Variants in C5AR2 observed in about 807,000 individuals in gnomAD.
The protein encoded by C5AR2 is complement C5a receptor 2.
For missense variants in C5AR2, 458 were observed against 467.5 expected (o/e 0.98, Z 0.19); for synonymous variants, 224 against 216.5 (o/e 1.03, Z -0.30).
chr19:47,340,133 T>A (rs754085427), intron 1 of C5AR2, among the ~76,000 whole-genome samples: 27 of 151,744 alleles, frequency 1.8e-4, no homozygotes, highest in Admixed American at 4.0e-4. Flanking sequence ...TTTTAAAAAA[T>A]TTTCGTAGAG....
chr19:47,336,934 G>A (rs771509680), intron 1 of C5AR2, among the ~76,000 whole-genome samples: 1 of 151,738 alleles, frequency 6.6e-6, no homozygotes, highest in Non-Finnish European at 1.5e-5. Context: ...GGAGGGGAGT[G>A]CCCCAACTTC....
intron 1 of C5AR2, among the ~76,000 whole-genome samples, chr19:47,340,382 T>C (rs1968992725): frequency 6.6e-6 from 1 of 151,204 alleles, no homozygotes; most frequent in Non-Finnish European, 1.5e-5. Context: ...AGTCTCACTC[T>C]GTCTCCCAGG....
chr19:47,340,278 G>A (rs1180249614), intron 1 of C5AR2, among the ~76,000 whole-genome samples: 1 of 151,668 alleles, frequency 6.6e-6, no homozygotes, highest in East Asian at 1.9e-4. Flanking sequence ...ATGTACTAGG[G>A]TTCTGGCATT....
rs781732958 is a variant in C5AR2 at position 47,340,962 on chromosome 19, A to G, written c.163A>G (p.Met55Val). 1.1e-5 allele frequency: 18 copies of G among 1,611,464 alleles called. No individual in the cohort carries two copies. In the South Asian group the frequency reaches 1.8e-4, roughly 16 times the overall value. ...IFLVGVPGNA[M>V]VAWVAGKVAR... ...CCTGGTGGGGGTGCCGGGCAATGCC[A>G]TGGTGGCCTGGGTGGCTGGGAAGGT... is the stretch of plus-strand genomic sequence containing the variant. Residue 55 changes from methionine to valine, a missense_variant, in exon 2 of 2, where the codon ATG becomes GTG. Met to Val is a conservative substitution (Grantham distance 21). Coordinates refer to ENST00000595464, the MANE Select transcript of C5AR2 (RefSeq NM_001271749.2).
At chr19:47,338,656 A>AAATAATAAT (rs34869990) in intron 1 of C5AR2, among the ~76,000 whole-genome samples, 62,860 of 131,292 alleles carry the variant, frequency 0.48, 17,140 homozygotes, top group Non-Finnish European at 0.62. Flanking sequence ...ATGACCTCCA[A>AAATAATAAT]AATAATAATA....
In C5AR2 at chr19:47,347,041, C is replaced by T. The variant is rs981550626; in HGVS notation, c.*5228C>T. On this transcript the variant is annotated 3_prime_UTR_variant, in exon 2 of 2. Transcript: ENST00000595464. ...GGGAATTTTCAAATTTAAGTCTGTGCAATGTTACATAAAATACCTTTGATT... is the reference window on the plus strand; with the variant it reads ...GGGAATTTTCAAATTTAAGTCTGTGTAATGTTACATAAAATACCTTTGATT... The T allele has an allele frequency of 6.6e-6, 1 of 152,154 alleles. No individual in the cohort carries two copies. Among genetic ancestry groups the T allele is most frequent in the Non-Finnish European group, 1.5e-5 (1 of 68,034 alleles). 9.4% of individuals were successfully genotyped at this position (152,154 alleles called of 1,614,324 possible).
In C5AR2 at chr19:47,346,777, T is replaced by C. The variant is rs1164718102; in HGVS notation, c.*4964T>C. ...AGGAAGGAAAGAAAGCAAGCTGTTT[T>C]CCCCTGCCTTGCCCCTGCTCACCTT... On this transcript the variant is annotated 3_prime_UTR_variant, in exon 2 of 2. Coordinates refer to ENST00000595464, the MANE Select transcript of C5AR2 (RefSeq NM_001271749.2). The C allele has an allele frequency of 6.6e-6, 1 of 152,058 alleles. No individual in the cohort carries two copies. The highest frequency in any genetic ancestry group is 2.4e-5 in the African/African-American group (1 of 41,392). 9.4% of individuals were successfully genotyped at this position (152,058 alleles called of 1,614,324 possible).
rs750796319 is a variant in C5AR2, at chr19:47,341,622, C to G, written c.823C>G (p.Leu275Val). ...LLARALRAEP[L>V]IVGLALAHSC... The stretch of plus-strand genomic sequence containing the variant: ...GGCCAGGGCCCTGCGGGCTGAACCC[C>G]TCATCGTGGGCCTTGCCCTCGCTCA... The change falls in exon 2 of 2, where the codon CTC becomes GTC. Residue 275 changes from leucine (L) to valine (V), a missense_variant. Transcript: ENST00000595464. This position sits in a 1 kb window ranked among gnomAD's most constrained non-coding sequence, Gnocchi z 4.6. 7 of 1,613,920 alleles carry G rather than the reference C, an allele frequency of 4.3e-6. No individual in the cohort carries two copies. The South Asian group carries it at 4.4e-5, about 10-fold the overall frequency.
Position 47,345,601 on chromosome 19 carries a change from G to C in C5AR2, c.*3788G>C, listed in dbSNP as rs1006096329. The C allele has an allele frequency of 1.3e-5, 2 of 151,178 alleles. No individual in the cohort carries two copies. The highest frequency in any genetic ancestry group is 2.4e-5 in the African/African-American group (1 of 41,070). 9.4% of individuals were successfully genotyped at this position (151,178 alleles called of 1,614,324 possible). Reference sequence around the variant, plus strand: ...TTGGCCAGGCTGGTCTCGAACTCCCGACCTCAGGTGATCCACCCGCCTCGG... The same window carrying C: ...TTGGCCAGGCTGGTCTCGAACTCCCCACCTCAGGTGATCCACCCGCCTCGG... On this transcript the variant is annotated 3_prime_UTR_variant, in exon 2 of 2. Transcript: ENST00000595464.
Position 47,343,630 on chromosome 19 carries a change from A to G in C5AR2, c.*1817A>G, listed in dbSNP as rs1969077160. ...AGACCAGCCTGGGCGACATAGCAAG[A>G]CCCCATCTCTACAAAAAATACAAAA... is the stretch of plus-strand genomic sequence containing the variant. On this transcript the variant is annotated 3_prime_UTR_variant, in exon 2 of 2. Transcript: ENST00000595464. The G allele has an allele frequency of 6.6e-6, 1 of 152,088 alleles. No individual in the cohort carries two copies. Among genetic ancestry groups the G allele is most frequent in the African/African-American group, 2.4e-5 (1 of 41,418 alleles). 9.4% of individuals were successfully genotyped at this position (152,088 alleles called of 1,614,324 possible).
rs756630584 is a variant in C5AR2 at position 47,341,125 on chromosome 19, C to T, written c.326C>T (p.Ala109Val). Residue 109 changes from alanine to valine, a missense_variant, in exon 2 of 2, where the codon GCG becomes GTG. Coordinates refer to ENST00000595464, the MANE Select transcript of C5AR2 (RefSeq NM_001271749.2). The surrounding 1 kb of genome is among the most constrained non-coding windows in gnomAD (Gnocchi z 4.6). ...CCGTATGGTGCAGTGGGCTGTCGGG[C>T]GCTGCCCTCCATCATCCTGCTGACC... ...HWPYGAVGCRALPSIILLTMY... is the reference protein window; with the variant it reads ...HWPYGAVGCRVLPSIILLTMY... The T allele has an allele frequency of 1.2e-5, 20 of 1,602,638 alleles. No individual in the cohort carries two copies. The highest frequency in any genetic ancestry group is 2.2e-5 in the East Asian group (1 of 44,870).
At position 47,346,364 on chromosome 19, in the gene C5AR2, A is replaced by G. The variant is rs1969119390; in HGVS notation, c.*4551A>G. ...GCCCCTTAATCTACATGTAATTAAAAATAGGTATAGGCTATTTTTATACCT... is the reference window on the plus strand; with the variant it reads ...GCCCCTTAATCTACATGTAATTAAAGATAGGTATAGGCTATTTTTATACCT... On this transcript the variant is annotated 3_prime_UTR_variant, in exon 2 of 2. Transcript: ENST00000595464. 6.6e-6 allele frequency: 1 copy of G among 152,114 alleles called. No individual in the cohort carries two copies. The highest frequency in any genetic ancestry group is 2.1e-4 in the South Asian group (1 of 4,832). The allele number at this position is 152,114 out of a possible 1,614,324, so 9.4% of individuals were successfully genotyped here. A position where few individuals can be genotyped will look rare whatever the true frequency, so the allele number is the denominator to read the frequency against.
chr19:47,346,799 C>T lies in C5AR2; in HGVS notation c.*4986C>T, dbSNP rs1969126196. 1 of 152,302 alleles carries T rather than the reference C, an allele frequency of 6.6e-6. No homozygotes were observed. Among genetic ancestry groups the T allele is most frequent in the East Asian group, 1.9e-4 (1 of 5,194 alleles). The allele number at this position is 152,302 out of a possible 1,614,324, so 9.4% of individuals were successfully genotyped here. On this transcript the variant is annotated 3_prime_UTR_variant, in exon 2 of 2. Coordinates refer to ENST00000595464, the MANE Select transcript of C5AR2 (RefSeq NM_001271749.2). Reference sequence around the variant, plus strand: ...TTTTCCCCTGCCTTGCCCCTGCTCACCTTTGAATTCTTTTCTGGGCAAAGC... The same window carrying T: ...TTTTCCCCTGCCTTGCCCCTGCTCATCTTTGAATTCTTTTCTGGGCAAAGC...
rs369445731 is a variant in C5AR2 at position 47,341,024 on chromosome 19, C to A, written c.225C>A (p.His75Gln). The change falls in exon 2 of 2, where the codon CAC becomes CAA. Residue 75 changes from histidine (H) to glutamine (Q), a missense_variant. Coordinates refer to ENST00000595464, the MANE Select transcript of C5AR2 (RefSeq NM_001271749.2). The surrounding 1 kb of genome is among the most constrained non-coding windows in gnomAD (Gnocchi z 4.6). ...RRRVGATWLL[H>Q]LAVADLLCCL... is the part of the protein sequence containing the mutation. Reference sequence around the variant, plus strand: ...GGGTGGGTGCCACCTGGTTGCTCCACCTGGCCGTGGCGGATTTGCTGTGCT... The same window carrying A: ...GGGTGGGTGCCACCTGGTTGCTCCAACTGGCCGTGGCGGATTTGCTGTGCT... The A allele has an allele frequency of 9.3e-6, 15 of 1,608,382 alleles. No homozygotes were observed. The highest frequency in any genetic ancestry group is 2.7e-5 in the African/African-American group (2 of 74,948).
intron 1 of C5AR2, among the ~76,000 whole-genome samples, chr19:47,337,733 TAGAATAA>T: frequency 6.6e-6 from 1 of 151,920 alleles, no homozygotes; most frequent in East Asian, 1.9e-4. Context: ...GCCTTATCTG[TAGAATAA>T]ATATAACAAT....
intron 1 of C5AR2, among the ~76,000 whole-genome samples, chr19:47,332,625 G>A (rs1003569243): frequency 6.6e-6 from 1 of 152,128 alleles, no homozygotes; most frequent in Non-Finnish European, 1.5e-5. Context: ...GGAGTGCAAT[G>A]GTGCCATCTT....
chr19:47,333,872 G>A (rs1186005952), intron 1 of C5AR2, among the ~76,000 whole-genome samples: 1 of 152,130 alleles, frequency 6.6e-6, no homozygotes, highest in African/African-American at 2.4e-5. Context: ...GAGCCACTGC[G>A]CCCGGCCAGC....
At chr19:47,336,498 TTTCTTTC>T (rs1568668444) in intron 1 of C5AR2, among the ~76,000 whole-genome samples, 1 of 148,082 alleles carries the variant, frequency 6.8e-6, no homozygotes, top group Admixed American at 6.8e-5. Flanking sequence ...CCTTTCTTTC[TTTCTTTC>T]TTTCTTTTTC....
rs1247751076 is a variant in C5AR2, at chr19:47,340,910, C to T, written c.111C>T (p.Ala37=). 2 of 1,612,662 alleles carry T rather than the reference C, an allele frequency of 1.2e-6. No individual in the cohort carries two copies. Among genetic ancestry groups the T allele is most frequent in the African/African-American group, 1.3e-5 (1 of 74,926 alleles). The change falls in exon 2 of 2, where the codon GCC becomes GCT. Residue 37 remains alanine (A), a synonymous_variant. Transcript: ENST00000595464. ...ACLAIDPLRV[A]PLPLYAAIFL... The stretch of plus-strand genomic sequence containing the variant: ...TGGCCATCGACCCGCTGCGCGTGGC[C>T]CCGCTCCCACTGTATGCCGCCATCT...
Sources: gnomAD v4.1 joint callset for allele counts (sites outside exome capture counted in the v4.1 genomes callset) on GRCh38, gnomAD v4.1.1 for gene constraint, Gnocchi (gnomAD v3.1) non-coding constraint, MANE v1.5 for transcripts, NCBI Gene and HGNC (gene_info 2026-07-23, HGNC 2026-07-21) for gene names.